NEK11: variants seen among roughly 807,000 people sequenced by gnomAD.
NEK11 encodes serine/threonine-protein kinase Nek11.
A neutral mutation model predicts 80.7 loss-of-function variants in NEK11; 72 were observed. That is an observed-to-expected ratio of 0.89 (90% CI 0.74 to 1.08). The LOEUF is 1.08. NEK11 is among the 50% of genes least tolerant of loss of function. The pLI is 0.00. For synonymous variants in NEK11, 251 were observed against 260.7 expected, an observed-to-expected ratio of 0.96 and a Z score of 0.36; for missense variants, 764 against 763.6, an observed-to-expected ratio of 1.00 and a Z score of -0.01.
chr3:131,162,240 A>G (rs755669490), intron 10 of NEK11, among the ~76,000 whole-genome samples, 168 bp from the exon 11 acceptor site: 1 of 152,222 alleles, frequency 6.6e-6, no homozygotes, highest in Admixed American at 6.5e-5. Flanking sequence ...CTTATTAACT[A>G]CAGTCCTGGT....
chr3:131,133,534 G>A (rs1560567604), intron 6 of NEK11, among the ~76,000 whole-genome samples: 1 of 152,044 alleles, frequency 6.6e-6, no homozygotes, highest in Non-Finnish European at 1.5e-5. Flanking sequence ...CCATTATTCA[G>A]ACTTTAAATA....
intron 14 of NEK11, among the ~76,000 whole-genome samples, chr3:131,187,179 G>T (rs2093633131): frequency 6.6e-6 from 1 of 152,114 alleles, no homozygotes; most frequent in Admixed American, 6.6e-5. Context: ...ATTAATTAAA[G>T]TTAAATACAA....
At chr3:131,031,614 G>A (rs1020884899) in intron 3 of NEK11, among the ~76,000 whole-genome samples, 3 of 152,186 alleles carry the variant, frequency 2.0e-5, no homozygotes, top group Non-Finnish European at 4.4e-5. Context: ...AGTGAGTGGA[G>A]AGAGTGTGTT....
At chr3:131,327,861 G>A (rs2096996844) in intron 17 of NEK11, 1 of 151,362 alleles carries the variant, frequency 6.6e-6, no homozygotes, top group Non-Finnish European at 1.5e-5. Flanking sequence ...CTATTTCCCT[G>A]TTTTTATTTT....
At chr3:131,150,585 T>C (rs1169317502) in intron 7 of NEK11, among the ~76,000 whole-genome samples, 1 of 152,046 alleles carries the variant, frequency 6.6e-6, no homozygotes, top group Non-Finnish European at 1.5e-5. Context: ...TGTATTCCTA[T>C]ATTTAAAGTT....
chr3:131,332,667 C>T (rs1028619818), intron 17 of NEK11, among the ~76,000 whole-genome samples: 3 of 152,176 alleles, frequency 2.0e-5, no homozygotes, highest in Non-Finnish European at 4.4e-5. Context: ...TCAAAATACT[C>T]CGAGCTACAG....
chr3:131,184,733 C>A, intron 14 of NEK11: 2 of 1,246,320 alleles, frequency 1.6e-6, no homozygotes, highest in South Asian at 1.9e-5. Context: ...TAGACGAATA[C>A]TGGAAAAATG....
intron 3 of NEK11, among the ~76,000 whole-genome samples, chr3:131,075,581 T>C (rs987036036): frequency 4.6e-5 from 7 of 152,206 alleles, no homozygotes; most frequent in Admixed American, 1.3e-4. Context: ...ATGAAATAAC[T>C]TTAAAACAGG....
chr3:131,052,134 G>GTTT (rs34528776), intron 3 of NEK11, among the ~76,000 whole-genome samples: 2 of 127,222 alleles, frequency 1.6e-5, no homozygotes, highest in Non-Finnish European at 3.4e-5. Flanking sequence ...GGTTTTTTTT[G>GTTT]TTTTTTTTTT....
intron 17 of NEK11, among the ~76,000 whole-genome samples, chr3:131,276,144 G>A (rs968848557): frequency 6.6e-6 from 1 of 152,174 alleles, no homozygotes; most frequent in Non-Finnish European, 1.5e-5. Flanking sequence ...ACTAATAAAT[G>A]GCTGTCTAAC....
At chr3:131,051,876 T>C (rs144972482) in intron 3 of NEK11, among the ~76,000 whole-genome samples, 1 of 152,262 alleles carries the variant, frequency 6.6e-6, no homozygotes, top group East Asian at 1.9e-4. Context: ...GATTTTTGAC[T>C]TTATAATATA....
chr3:131,061,681 G>T (rs892901694), intron 3 of NEK11, among the ~76,000 whole-genome samples: 5 of 152,088 alleles, frequency 3.3e-5, no homozygotes, highest in Non-Finnish European at 7.3e-5. Flanking sequence ...ATCTTATCAG[G>T]TCTCTCGGAT....
intron 7 of NEK11, among the ~76,000 whole-genome samples, chr3:131,147,106 C>G (rs2088519833): frequency 6.6e-6 from 1 of 151,976 alleles, no homozygotes; most frequent in Admixed American, 6.6e-5. Context: ...TTTGCCTACT[C>G]CAAGATCATG....
intron 16 of NEK11, among the ~76,000 whole-genome samples, chr3:131,254,253 C>T (rs528830764): frequency 4.6e-5 from 7 of 152,240 alleles, no homozygotes; most frequent in Non-Finnish European, 7.4e-5. Flanking sequence ...TGAAAGTGGT[C>T]GCAATGTGTC....
chr3:131,334,682 G>A (rs1431037529), intron 17 of NEK11, among the ~76,000 whole-genome samples: 2 of 151,932 alleles, frequency 1.3e-5, no homozygotes, highest in Non-Finnish European at 2.9e-5. Flanking sequence ...TCCAGGAGCT[G>A]GTTTTTTTGA....
In NEK11 at chr3:131,155,038, C is replaced by A. The variant is rs773480339; in HGVS notation, c.879C>A (p.Asn293Lys). 9.4e-6 allele frequency: 15 copies of A among 1,592,634 alleles called. No homozygotes were observed. Among genetic ancestry groups the A allele is most frequent in the Non-Finnish European group, 1.2e-5 (14 of 1,160,902 alleles). Residue 293 changes from asparagine to lysine, a missense_variant and splice_region_variant, in exon 10 of 18, where the codon AAC becomes AAA. Asn to Lys is a moderately conservative substitution (Grantham distance 94). Transcript: ENST00000383366. ...KIPYLDEQLQ[N>K]LMCRYSEMTL... is the part of the protein sequence containing the mutation. Reference sequence around the variant, plus strand: ...GTCAGGGTTGATCTTTTTTTCAGAACCTAATGTGTAGATATTCAGAAATGA... The same window carrying A: ...GTCAGGGTTGATCTTTTTTTCAGAAACTAATGTGTAGATATTCAGAAATGA...
chr3:131,329,439 C>T (rs1236736200), intron 17 of NEK11: 4 of 150,100 alleles, frequency 2.7e-5, no homozygotes, highest in Admixed American at 6.6e-5. Context: ...ATGCACCAAG[C>T]ACTGTTCTAG....
chr3:131,174,586 C>T (rs1394656213), intron 14 of NEK11, among the ~76,000 whole-genome samples: 1 of 152,060 alleles, frequency 6.6e-6, no homozygotes, highest in African/African-American at 2.4e-5. Flanking sequence ...TTGACTATAG[C>T]TGATTTAATC....
intron 17 of NEK11, among the ~76,000 whole-genome samples, chr3:131,300,248 T>G (rs2096646350): frequency 6.6e-6 from 1 of 152,042 alleles, no homozygotes. Context: ...GCTTGCTGAT[T>G]TGTTTAAGTT....
Sources: allele counts gnomAD v4.1 joint callset (sites outside exome capture counted in the v4.1 genomes callset), GRCh38; gene constraint gnomAD v4.1.1; transcripts MANE v1.5; gene names NCBI Gene and HGNC (gene_info 2026-07-23, HGNC 2026-07-21).